Variants in CCDC197 observed in about 807,000 individuals in gnomAD.
The protein encoded by CCDC197 is uncharacterized protein CCDC197.
In CCDC197, 24 loss-of-function variants were observed where a neutral mutation model predicts 13.4. The observed-to-expected ratio is 1.80, with a 90% confidence interval of 1.30 to 2.53. The LOEUF (loss-of-function observed/expected upper bound fraction) is 2.53. Ranked by LOEUF, CCDC197 falls within the 30% of genes most tolerant of loss-of-function variation. The pLI, the probability that CCDC197 is intolerant of heterozygous loss-of-function variation, is 0.00. For synonymous variants in CCDC197, 99 were observed against 55.5 expected, an observed-to-expected ratio of 1.78 and a Z score of -3.48; for missense variants, 255 against 148.8, an observed-to-expected ratio of 1.71 and a Z score of -3.71.
At chr14:93,987,947 G>A (rs1189607463) in intron 1 of CCDC197, among the ~76,000 whole-genome samples, 1 of 145,732 alleles carries the variant, frequency 6.9e-6, no homozygotes, top group Non-Finnish European at 1.5e-5. Flanking sequence ...AGGTGGGAAG[G>A]AGGGAGTGGG....
chr14:94,000,012 T>C (rs1234252497), intron 3 of CCDC197, among the ~76,000 whole-genome samples: 1 of 152,144 alleles, frequency 6.6e-6, no homozygotes, highest in African/African-American at 2.4e-5. Context: ...CTGGTAAACG[T>C]TGGCCATTAT....
At position 94,003,934 on chromosome 14, in the gene CCDC197, A is replaced by C. The variant is rs1189880999; in HGVS notation, c.498+580A>C. ...CCTTGTATAATGTTTGTGGTTAATA[A>C]TAAGATAACGGTGTTTAAGTGAGTG... is the stretch of plus-strand genomic sequence containing the variant. On this transcript the variant is annotated intron_variant, in intron 5 of 6. Transcript: ENST00000636493. This position sits in a 1 kb window ranked among gnomAD's most constrained non-coding sequence, Gnocchi z 5.0. Among the ~76,000 whole-genome samples the C allele has an allele frequency of 2.6e-5, 4 of 152,324 alleles. No individual in the cohort carries two copies. Among genetic ancestry groups the C allele is most frequent in the African/African-American group, 9.6e-5 (4 of 41,582 alleles).
At chr14:93,988,853 GAGGAGGGGATGGA>G (rs1202372142) in intron 1 of CCDC197, among the ~76,000 whole-genome samples, 4 of 142,456 alleles carry the variant, frequency 2.8e-5, no homozygotes, top group African/African-American at 7.9e-5. Context: ...GAGGGGATGG[GAGGAGGGGATGGA>G]AGGAGGAGAT....
intron 1 of CCDC197, among the ~76,000 whole-genome samples, chr14:93,991,234 G>A (rs1170044509): frequency 6.6e-6 from 1 of 152,202 alleles, no homozygotes; most frequent in African/African-American, 2.4e-5. Flanking sequence ...AGGTGGATGA[G>A]GAGGCTACCG....
intron 2 of CCDC197, chr14:93,999,241 G>A (rs1890415035): frequency 8.4e-6 from 2 of 236,720 alleles, no homozygotes; most frequent in Non-Finnish European, 1.6e-5. Context: ...GCTAATAGGG[G>A]CCGGCCTGTC....
intron 6 of CCDC197, among the ~76,000 whole-genome samples, chr14:94,006,851 G>C (rs1291747341): frequency 6.6e-6 from 1 of 152,044 alleles, no homozygotes; most frequent in Non-Finnish European, 1.5e-5. Context: ...TTGAGACAGG[G>C]TCTCAGTCTA....
At chr14:94,011,079 A>G (rs1482446285), downstream of CCDC197, among the ~76,000 whole-genome samples, 1 of 152,182 alleles carries the variant, frequency 6.6e-6, no homozygotes, top group African/African-American at 2.4e-5. Flanking sequence ...TGCTGAAGCC[A>G]GGCACTGCTC....
chr14:93,994,383 C>T (rs1890250891), upstream of CCDC197, among the ~76,000 whole-genome samples: 1 of 152,202 alleles, frequency 6.6e-6, no homozygotes, highest in South Asian at 2.1e-4. Flanking sequence ...TCAGTTTTCT[C>T]ATCTGCAAAA....
At chr14:93,989,656 C>T (rs1343331985) in intron 1 of CCDC197, among the ~76,000 whole-genome samples, 1 of 152,204 alleles carries the variant, frequency 6.6e-6, no homozygotes, top group Non-Finnish European at 1.5e-5. Context: ...ACCTGGGTCC[C>T]CAGGGCCCCC....
chr14:93,999,566 T>C lies in CCDC197; in HGVS notation c.105-17T>C. On this transcript the variant is annotated splice_polypyrimidine_tract_variant and intron_variant, in intron 2 of 6. Transcript: ENST00000636493. Reference sequence around the variant, plus strand: ...CCTGGGAGCCTCCAGGCCATGTTCCTGCATCTGGCTCTACAGGCAGAAGAA... The same window carrying C: ...CCTGGGAGCCTCCAGGCCATGTTCCCGCATCTGGCTCTACAGGCAGAAGAA... 1 of 780,674 alleles carries C rather than the reference T, an allele frequency of 1.3e-6. No individual in the cohort carries two copies. The allele number at this position is 780,674 out of a possible 1,614,324, so 48.4% of individuals were successfully genotyped here.
chr14:94,011,384 C>T (rs35389046), downstream of CCDC197, among the ~76,000 whole-genome samples: 32,183 of 152,186 alleles, frequency 0.21, 3,767 homozygotes, highest in East Asian at 0.39. Flanking sequence ...AGTTGCTTGG[C>T]GTGGCAATGG....
chr14:93,999,587 A>C lies in CCDC197; in HGVS notation c.109A>C (p.Lys37Gln), dbSNP rs77569032. 1 of 780,986 alleles carries C rather than the reference A, an allele frequency of 1.3e-6. No individual in the cohort carries two copies. Among genetic ancestry groups the C allele is most frequent in the East Asian group, 2.4e-5 (1 of 41,252 alleles). The allele number at this position is 780,986 out of a possible 1,614,324, so 48.4% of individuals were successfully genotyped here. A position where few individuals can be genotyped will look rare whatever the true frequency, so the allele number is the denominator to read the frequency against. Residue 37 changes from lysine (K) to glutamine (Q), a missense_variant, in exon 3 of 7, where the codon AAG becomes CAG. Lys to Gln is a moderately conservative substitution (Grantham distance 53). Coordinates refer to ENST00000636493, the MANE Select transcript of CCDC197 (RefSeq NM_001351596.2). ...TTCCTGCATCTGGCTCTACAGGCAG[A>C]AGAAGCTCAAGAGAGAAGTCGAGAA... Reference protein sequence around the residue: ...QELYQLQAKQKKLKREVEKHK... With the variant: ...QELYQLQAKQQKLKREVEKHK...
At chr14:94,002,580 T>G (rs1890553622) in intron 4 of CCDC197, among the ~76,000 whole-genome samples, 2 of 152,090 alleles carry the variant, frequency 1.3e-5, no homozygotes, top group Admixed American at 6.5e-5. Flanking sequence ...GGGCCAGGTA[T>G]GGTGGCTCAC....
chr14:94,009,639 G>A (rs1393532164), downstream of CCDC197, among the ~76,000 whole-genome samples: 2 of 152,160 alleles, frequency 1.3e-5, no homozygotes, highest in South Asian at 4.1e-4. Context: ...TGAGGTGGGA[G>A]GATCACTTGA....
chr14:94,004,748 G>A, intron 5 of CCDC197, 107 bp from the exon 6 acceptor site: 1 of 642,112 alleles, frequency 1.6e-6, no homozygotes, highest in African/African-American at 1.8e-5. Flanking sequence ...CACTCCCAGT[G>A]TCCCAGCTCT....
chr14:93,998,863 G>A (rs10145626), intron 2 of CCDC197, among the ~76,000 whole-genome samples: 22,949 of 152,194 alleles, frequency 0.15, 2,995 homozygotes, highest in East Asian at 0.57. Flanking sequence ...AAGCAGAGGG[G>A]CTTGCCCTGG....
At chr14:94,009,729 TA>T (rs935758762), downstream of CCDC197, among the ~76,000 whole-genome samples, 1 of 151,702 alleles carries the variant, frequency 6.6e-6, no homozygotes, top group Non-Finnish European at 1.5e-5. Flanking sequence ...ACCCTGTCTT[TA>T]AAAAAAACAG....
intron 4 of CCDC197, among the ~76,000 whole-genome samples, chr14:94,002,743 A>T (rs1890559642): frequency 6.6e-6 from 1 of 150,756 alleles, no homozygotes; most frequent in Non-Finnish European, 1.5e-5. Flanking sequence ...ATCTCAGCTA[A>T]TTAGGAGGTT....
At chr14:94,008,580 T>C (rs1890748853) in intron 6 of CCDC197, 29 bp from the exon 7 acceptor site, 3 of 694,526 alleles carry the variant, frequency 4.3e-6, no homozygotes, top group Non-Finnish European at 5.3e-6. Flanking sequence ...CAAAACACTG[T>C]CAGGTGAGAG....
Sources: allele counts gnomAD v4.1 joint callset (sites outside exome capture counted in the v4.1 genomes callset), GRCh38; gene constraint gnomAD v4.1.1; non-coding constraint Gnocchi (gnomAD v3.1); transcripts MANE v1.5; gene names NCBI Gene and HGNC (gene_info 2026-07-23, HGNC 2026-07-21).